The following ERBB4 variants were observed in gnomAD, a reference collection of about 807,000 sequenced individuals.
ERBB4 encodes erb-b2 receptor tyrosine kinase 4.
ERBB4 carries 42 observed loss-of-function variants against 158.0 expected under a neutral mutation model. The observed-to-expected ratio is 0.27, with a 90% confidence interval of 0.21 to 0.34. The LOEUF (loss-of-function observed/expected upper bound fraction) is 0.34. Among genes scored for constraint, ERBB4 ranks in the 10% least tolerant of loss-of-function variants. ERBB4 has a pLI of 1.00. For missense variants in ERBB4, 1,333 were observed against 1,624.1 expected (o/e 0.82, Z 3.08); for synonymous variants, 583 against 558.7 (o/e 1.04, Z -0.61).
intron 19 of ERBB4, among the ~76,000 whole-genome samples, chr2:211,563,472 G>C (rs2067461907): frequency 6.6e-6 from 1 of 152,118 alleles, no homozygotes; most frequent in African/African-American, 2.4e-5. Context: ...GTCAATATTA[G>C]GAGAAACGTA....
At chr2:212,508,378 C>A (rs566313392) in intron 1 of ERBB4, among the ~76,000 whole-genome samples, 1 of 152,084 alleles carries the variant, frequency 6.6e-6, no homozygotes, top group African/African-American at 2.4e-5. Flanking sequence ...CTGACCAGGC[C>A]ATACACAAAA....
chr2:211,999,229 A>G (rs1406112028), intron 2 of ERBB4, among the ~76,000 whole-genome samples: 5 of 151,984 alleles, frequency 3.3e-5, no homozygotes, highest in African/African-American at 1.2e-4. Flanking sequence ...GCCTTAATTA[A>G]CATGGCAGAA....
chr2:212,197,202 C>CAA (rs2082452305), intron 1 of ERBB4, among the ~76,000 whole-genome samples: 3 of 152,096 alleles, frequency 2.0e-5, no homozygotes, highest in Admixed American at 1.3e-4. Flanking sequence ...AGACCTAAGC[C>CAA]AAACTGCTGG....
intron 1 of ERBB4, among the ~76,000 whole-genome samples, chr2:212,142,669 T>G (rs1228700370): frequency 6.7e-6 from 1 of 149,904 alleles, no homozygotes; most frequent in Non-Finnish European, 1.5e-5. Context: ...AACTCTAATA[T>G]AGAAATACAG....
intron 1 of ERBB4, among the ~76,000 whole-genome samples, chr2:212,225,398 T>C (rs973112642): frequency 6.6e-6 from 1 of 152,068 alleles, no homozygotes; most frequent in Non-Finnish European, 1.5e-5. Context: ...GAGGCTGGAA[T>C]AAATTTTCTG....
chr2:212,501,880 G>A (rs532035132), intron 1 of ERBB4, among the ~76,000 whole-genome samples: 2 of 152,106 alleles, frequency 1.3e-5, no homozygotes, highest in South Asian at 4.1e-4. Context: ...CAAATGAAAT[G>A]ATCAAAATTT....
intron 1 of ERBB4, among the ~76,000 whole-genome samples, chr2:212,485,067 AT>A (rs1334589116): frequency 6.6e-6 from 1 of 152,216 alleles, no homozygotes; most frequent in African/African-American, 2.4e-5. Context: ...AAGCTATAAG[AT>A]TACGATTTCA....
intron 3 of ERBB4, among the ~76,000 whole-genome samples, chr2:211,811,975 T>A (rs2076766796): frequency 6.6e-6 from 1 of 152,228 alleles, no homozygotes; most frequent in African/African-American, 2.4e-5. Context: ...TCAAACATCC[T>A]CCTTTAGCAT....
At chr2:211,828,134 A>G (rs2105961929) in intron 3 of ERBB4, among the ~76,000 whole-genome samples, 1 of 152,314 alleles carries the variant, frequency 6.6e-6, no homozygotes, top group East Asian at 1.9e-4. Context: ...ATGTGACTGA[A>G]CAGAGTCTTA....
chr2:211,480,577 A>T (rs1356720731), intron 20 of ERBB4, among the ~76,000 whole-genome samples: 1 of 152,022 alleles, frequency 6.6e-6, no homozygotes, highest in African/African-American at 2.4e-5. Flanking sequence ...TGGAAATGTG[A>T]GTCAATTGAA....
intron 1 of ERBB4, among the ~76,000 whole-genome samples, chr2:212,165,009 A>G (rs1457702657): frequency 6.6e-6 from 1 of 151,276 alleles, no homozygotes; most frequent in South Asian, 2.1e-4. Flanking sequence ...AAACATGAAG[A>G]AAATAAAAGA....
intron 4 of ERBB4, among the ~76,000 whole-genome samples, chr2:211,781,522 T>G (rs542405588): frequency 1.6e-4 from 24 of 152,330 alleles, no homozygotes; most frequent in Non-Finnish European, 1.5e-5. Context: ...TCTCAGTGTC[T>G]TGATGAGCTA....
At chr2:211,815,034 T>C (rs973991045) in intron 3 of ERBB4, among the ~76,000 whole-genome samples, 3 of 152,190 alleles carry the variant, frequency 2.0e-5, no homozygotes, top group Non-Finnish European at 2.9e-5. Flanking sequence ...ATAATACCTC[T>C]TTTTCCTCTC....
chr2:212,301,301 CA>C (rs1057105278), intron 1 of ERBB4, among the ~76,000 whole-genome samples: 10 of 151,104 alleles, frequency 6.6e-5, no homozygotes, highest in Non-Finnish European at 1.3e-4. Context: ...CAATGTTAAA[CA>C]AAAAGAAACT....
chr2:212,204,271 ACT>A (rs1047211034), intron 1 of ERBB4, among the ~76,000 whole-genome samples: 38 of 152,068 alleles, frequency 2.5e-4, no homozygotes, highest in African/African-American at 7.5e-4. Flanking sequence ...GAGGCAAAAG[ACT>A]CTGTTTATTT....
intron 20 of ERBB4, among the ~76,000 whole-genome samples, chr2:211,490,578 G>C (rs2065314895): frequency 6.6e-6 from 1 of 152,050 alleles, no homozygotes; most frequent in African/African-American, 2.4e-5. Context: ...GCGACCTAGA[G>C]AGAGACTTTC....
intron 2 of ERBB4, among the ~76,000 whole-genome samples, chr2:212,067,800 C>T (rs2077988264): frequency 6.6e-6 from 1 of 152,024 alleles, no homozygotes; most frequent in African/African-American, 2.4e-5. Flanking sequence ...CAGAATAACA[C>T]TGTCTTTAAG....
intron 19 of ERBB4, among the ~76,000 whole-genome samples, chr2:211,569,331 C>T (rs746075596): frequency 7.9e-5 from 12 of 152,082 alleles, no homozygotes; most frequent in Admixed American, 3.9e-4. Context: ...TTTTTTATCC[C>T]GTTAGTTTTA....
At chr2:212,021,514 C>T (rs1434631589) in intron 2 of ERBB4, among the ~76,000 whole-genome samples, 1 of 152,092 alleles carries the variant, frequency 6.6e-6, no homozygotes, top group Non-Finnish European at 1.5e-5. Flanking sequence ...AACTGGTTAG[C>T]TATATGCAGA....
Sources: gnomAD v4.1 joint callset for allele counts (sites outside exome capture counted in the v4.1 genomes callset) on GRCh38, gnomAD v4.1.1 for gene constraint, MANE v1.5 for transcripts, NCBI Gene and HGNC (gene_info 2026-07-23, HGNC 2026-07-21) for gene names.